PLXDC2: variants seen among roughly 807,000 people sequenced by gnomAD.
PLXDC2 encodes plexin domain-containing protein 2.
In PLXDC2, 40 loss-of-function variants were observed where a neutral mutation model predicts 68.9. The ratio of observed to expected loss-of-function variants is 0.58; its 90% CI spans 0.45 to 0.76. PLXDC2 has a LOEUF of 0.76. Among genes scored for constraint, PLXDC2 ranks in the 30% least tolerant of loss-of-function variants. The pLI is 0.00. For missense variants in PLXDC2, 644 were observed against 661.9 expected (o/e 0.97, Z 0.30); for synonymous variants, 243 against 234.2 (o/e 1.04, Z -0.34).
At chr10:19,852,386 A>G (rs1837134178) in intron 1 of PLXDC2, among the ~76,000 whole-genome samples, 2 of 131,464 alleles carry the variant, frequency 1.5e-5, no homozygotes, top group Admixed American at 8.8e-5. Flanking sequence ...ACATTGCATC[A>G]CTGCACTCCA....
At chr10:20,016,948 C>T (rs1589588117) in intron 2 of PLXDC2, among the ~76,000 whole-genome samples, 1 of 152,238 alleles carries the variant, frequency 6.6e-6, no homozygotes, top group East Asian at 1.9e-4. Context: ...CTTTAGCATG[C>T]TGCAGCTTCT....
chr10:19,978,563 C>A (rs719041), intron 1 of PLXDC2, among the ~76,000 whole-genome samples: 1 of 152,148 alleles, frequency 6.6e-6, no homozygotes, highest in East Asian at 1.9e-4. Flanking sequence ...TAATTTCACC[C>A]CAGTTCTGAT....
intron 1 of PLXDC2, among the ~76,000 whole-genome samples, chr10:19,864,092 G>A (rs1477063661): frequency 1.3e-5 from 2 of 152,140 alleles, no homozygotes; most frequent in African/African-American, 4.8e-5. Flanking sequence ...ATGGCTTGCT[G>A]TAACCTCAAA....
At chr10:19,868,785 ATTC>A (rs1241610554) in intron 1 of PLXDC2, among the ~76,000 whole-genome samples, 1 of 152,160 alleles carries the variant, frequency 6.6e-6, no homozygotes, top group East Asian at 1.9e-4. Context: ...TTGACACTTT[ATTC>A]TTCTTTAAAT....
At chr10:20,126,500 T>C (rs531213034) in intron 4 of PLXDC2, among the ~76,000 whole-genome samples, 555 of 22,382 alleles carry the variant, frequency 0.025, 98 homozygotes, top group East Asian at 0.16. Context: ...ACGTTATATA[T>C]GTATATATAA....
At chr10:20,089,708 C>A (rs1165034522) in intron 4 of PLXDC2, among the ~76,000 whole-genome samples, 3 of 151,964 alleles carry the variant, frequency 2.0e-5, no homozygotes, top group Non-Finnish European at 4.4e-5. Context: ...GTAAATTGGT[C>A]CAAGGTGAAA....
chr10:20,054,048 C>A (rs73603695), intron 3 of PLXDC2, among the ~76,000 whole-genome samples: 12,800 of 151,972 alleles, frequency 0.084, 1,128 homozygotes, highest in African/African-American at 0.22. Flanking sequence ...AGGGCTATTG[C>A]AATGAGGGAA....
chr10:20,005,634 A>C (rs1835014486), intron 2 of PLXDC2, among the ~76,000 whole-genome samples: 1 of 152,018 alleles, frequency 6.6e-6, no homozygotes, highest in Non-Finnish European at 1.5e-5. Context: ...GTGAAGTGGG[A>C]GCAGGCGTGT....
chr10:20,237,558 A>G (rs549298691), intron 12 of PLXDC2, among the ~76,000 whole-genome samples: 3 of 152,216 alleles, frequency 2.0e-5, no homozygotes, highest in Non-Finnish European at 2.9e-5. Flanking sequence ...AGTACAATTT[A>G]CTTAAAACTT....
intron 2 of PLXDC2, among the ~76,000 whole-genome samples, chr10:20,043,609 A>AT (rs1408967322): frequency 1.3e-5 from 2 of 152,080 alleles, no homozygotes; most frequent in Non-Finnish European, 2.9e-5. Context: ...AATATTCCCT[A>AT]TTTATAGGGA....
At chr10:20,186,150 A>G (rs982620129) in intron 9 of PLXDC2, among the ~76,000 whole-genome samples, 1 of 151,992 alleles carries the variant, frequency 6.6e-6, no homozygotes, top group Non-Finnish European at 1.5e-5. Context: ...TTTGCTAAAA[A>G]AAGTCCTTGC....
chr10:19,948,535 CT>C (rs938920054), intron 1 of PLXDC2, among the ~76,000 whole-genome samples: 1 of 151,498 alleles, frequency 6.6e-6, no homozygotes. Context: ...TGGTTTTTTT[CT>C]ATAAATGATG....
At chr10:20,116,209 C>T (rs2461941) in intron 4 of PLXDC2, among the ~76,000 whole-genome samples, 54,388 of 152,100 alleles carry the variant, frequency 0.36, 11,253 homozygotes, top group Non-Finnish European at 0.48. Flanking sequence ...CCAAGCCTTT[C>T]TGTAGATGTA....
chr10:19,858,439 A>G (rs1589504185), intron 1 of PLXDC2, among the ~76,000 whole-genome samples: 3 of 152,356 alleles, frequency 2.0e-5, no homozygotes, highest in Admixed American at 2.0e-4. Context: ...AATTCTTGAA[A>G]TCATTCTCCC....
intron 1 of PLXDC2, among the ~76,000 whole-genome samples, chr10:19,983,785 G>T (rs74122130): frequency 0.026 from 3,890 of 152,170 alleles, 172 homozygotes; most frequent in African/African-American, 0.088. Flanking sequence ...CGTCCGAAAT[G>T]CAGGACTGCA....
chr10:20,164,493 G>GT lies in PLXDC2; in HGVS notation c.811dup (p.Ser271PhefsTer33). 6.2e-7 allele frequency: 1 copy of GT among 1,613,528 alleles called. No individual in the cohort carries two copies. The highest frequency in any genetic ancestry group is 1.1e-5 in the South Asian group (1 of 91,070). ...ATTCCTGTCTTGGTCACACAGATAAGTTCAACCAATCATCCAGTGAAAGTC... is the reference window on the plus strand; with the variant it reads ...ATTCCTGTCTTGGTCACACAGATAAGTTTCAACCAATCATCCAGTGAAAGTC... On this transcript the variant is annotated frameshift_variant, in exon 7 of 14. Transcript: ENST00000377252. LOFTEE classifies it high-confidence loss of function.
intron 6 of PLXDC2, among the ~76,000 whole-genome samples, chr10:20,161,940 A>T (rs778938439): frequency 5.3e-5 from 8 of 151,844 alleles, no homozygotes; most frequent in Non-Finnish European, 8.8e-5. Context: ...CTGAGGTAGG[A>T]GAATTGCTTG....
intron 13 of PLXDC2, among the ~76,000 whole-genome samples, chr10:20,255,375 C>A (rs989743312): frequency 6.6e-6 from 1 of 152,134 alleles, no homozygotes; most frequent in South Asian, 2.1e-4. Context: ...TGATTCTTTT[C>A]TTCTGTTACC....
intron 1 of PLXDC2, among the ~76,000 whole-genome samples, chr10:19,960,215 A>AT (rs1834134734): frequency 7.5e-6 from 1 of 132,864 alleles, no homozygotes; most frequent in Admixed American, 7.5e-5. Context: ...AAAAAAAAAA[A>AT]TTAGCCAGGG....
Sources: allele counts gnomAD v4.1 joint callset (sites outside exome capture counted in the v4.1 genomes callset), GRCh38; gene constraint gnomAD v4.1.1; transcripts MANE v1.5; gene names NCBI Gene and HGNC (gene_info 2026-07-23, HGNC 2026-07-21).